Variants in ABTB1 observed in about 807,000 individuals in gnomAD.
The protein encoded by ABTB1 is ankyrin repeat and BTB domain containing 1.
Under a neutral mutation model 57.1 loss-of-function variants are expected in ABTB1, and 45 were observed. The ratio of observed to expected loss-of-function variants is 0.79; its 90% CI spans 0.62 to 1.01. The LOEUF (loss-of-function observed/expected upper bound fraction) is 1.01. Among genes scored for constraint, ABTB1 ranks in the 50% least tolerant of loss-of-function variants. The pLI is 0.00. For synonymous variants in ABTB1, 302 were observed against 275.4 expected (o/e 1.10, Z -0.95); for missense variants, 630 against 666.3 (o/e 0.95, Z 0.60).
chr3:127,676,144 T>C lies in ABTB1; in HGVS notation c.320+30T>C. On this transcript the variant is annotated intron_variant, in intron 4 of 11. Transcript: ENST00000232744. The surrounding 1 kb of genome is among the most constrained non-coding windows in gnomAD (Gnocchi z 5.4). ...GCCAGGGCACACGAGGGGTGCAGCA[T>C]GGGGTGCGGTGGCCCTGGTGGGTGT... The C allele has an allele frequency of 2.5e-6, 4 of 1,610,364 alleles. No homozygotes were observed. Among genetic ancestry groups the C allele is most frequent in the Middle Eastern group, 3.6e-4 (2 of 5,546 alleles).
chr3:127,679,870 A>T (rs2075084474), intron 10 of ABTB1, 115 bp from the exon 11 acceptor site: 2 of 914,742 alleles, frequency 2.2e-6, no homozygotes, highest in South Asian at 1.5e-5. Flanking sequence ...TCCTACTCCC[A>T]CTGGAAGCCT....
At position 127,680,656 on chromosome 3, in the gene ABTB1, G is replaced by T. The variant is rs772062098; in HGVS notation, c.*181G>T. ...GAGACCCCAGGGGAGGATCCATTTG[G>T]GATGAGCCCCCTCCCCCCAATGCAC... On this transcript the variant is annotated 3_prime_UTR_variant, in exon 12 of 12. Transcript: ENST00000232744. 1 of 818,132 alleles carries T rather than the reference G, an allele frequency of 1.2e-6. No homozygotes were observed. Among genetic ancestry groups the T allele is most frequent in the African/African-American group, 1.7e-5 (1 of 58,478 alleles). 50.7% of individuals were successfully genotyped at this position (818,132 alleles called of 1,614,324 possible).
Position 127,680,351 on chromosome 3 carries a change from C to T in ABTB1, c.1313C>T (p.Pro438Leu), listed in dbSNP as rs759546260. The change falls in exon 12 of 12, where the codon CCG (proline) becomes CTG (leucine). Residue 438 changes from proline to leucine, a missense_variant. Pro to Leu is a moderately conservative substitution (Grantham distance 98). Around this residue, in one of 3 missense-constraint regions of ABTB1, gnomAD observed 8 missense variants for 24.2 expected, o/e 0.33. Transcript: ENST00000232744. ...GCCCGGCAGGAGACGGACTCTATCC[C>T]GCTGGTGGACGACATCCGCTTCCAC... Reference protein sequence around the residue: ...VAARQETDSIPLVDDIRFHVA... With the variant: ...VAARQETDSILLVDDIRFHVA... 27 of 1,608,828 alleles carry T rather than the reference C, an allele frequency of 1.7e-5. No individual in the cohort carries two copies. The highest frequency in any genetic ancestry group is 2.7e-5 in the African/African-American group (2 of 74,888).
chr3:127,680,852 C>T lies in ABTB1; in HGVS notation c.*377C>T. On this transcript the variant is annotated 3_prime_UTR_variant, in exon 12 of 12. Coordinates refer to ENST00000232744, the MANE Select transcript of ABTB1 (RefSeq NM_172027.3). ...AATTGCTTCTCTAAGCTGGTGTTCC[C>T]ATGCACAGGGCCATTCAGGAAGGGC... 4 of 612,294 alleles carry T rather than the reference C, an allele frequency of 6.5e-6. No individual in the cohort carries two copies. The highest frequency in any genetic ancestry group is 1.2e-5 in the Non-Finnish European group (4 of 345,758). The allele number at this position is 612,294 out of a possible 1,614,324, so 37.9% of individuals were successfully genotyped here.
At chr3:127,673,247 C>T (rs2107550283) in intron 1 of ABTB1, 166 bp downstream of exon 1, 1 of 633,822 alleles carries the variant, frequency 1.6e-6, no homozygotes, top group East Asian at 4.0e-5. Context: ...CCGCCGCAGC[C>T]CCCCAGCGGA....
rs2107560316 is a variant in ABTB1 at position 127,679,397 on chromosome 3, C to G, written c.1030-588C>G. Reference sequence around the variant, plus strand: ...TCTGCAGCTTGCTCCCTGTGCCACCCAGGCTCTGGCCTGAATCTGAGGGCT... The same window carrying G: ...TCTGCAGCTTGCTCCCTGTGCCACCGAGGCTCTGGCCTGAATCTGAGGGCT... On this transcript the variant is annotated intron_variant, in intron 10 of 11. Coordinates refer to ENST00000232744, the MANE Select transcript of ABTB1 (RefSeq NM_172027.3). 1.3e-5 allele frequency: 5 copies of G among 380,880 alleles called. 1 individual carries two copies. The highest frequency in any genetic ancestry group is 7.3e-5 in the South Asian group (4 of 54,890). 23.6% of individuals were successfully genotyped at this position (380,880 alleles called of 1,614,324 possible).
chr3:127,677,300 T>C lies in ABTB1; in HGVS notation c.762+14T>C, dbSNP rs753746978. The C allele has an allele frequency of 1.9e-6, 3 of 1,586,280 alleles. No homozygotes were observed. In the East Asian group the frequency reaches 6.8e-5, roughly 36 times the overall value. On this transcript the variant is annotated intron_variant, in intron 8 of 11. Coordinates refer to ENST00000232744, the MANE Select transcript of ABTB1 (RefSeq NM_172027.3). The stretch of plus-strand genomic sequence containing the variant: ...CCCGAGCTCCGAGTAAGTGCGGGGC[T>C]GGTGGGCAGGAAGGGCGTTTTGGGA...
intron 1 of ABTB1, 195 bp from the exon 2 acceptor site, chr3:127,674,196 C>T (rs2074920967): frequency 3.1e-6 from 2 of 641,360 alleles, no homozygotes; most frequent in East Asian, 2.8e-5. Context: ...TCTGCCTGTT[C>T]GACCCCACCT....
chr3:127,679,748 T>C, intron 10 of ABTB1: 1 of 596,908 alleles, frequency 1.7e-6, no homozygotes, highest in Non-Finnish European at 3.1e-6. Flanking sequence ...CCTGCCAGCC[T>C]GCTCAGGGCA....
At chr3:127,674,695 A>C in intron 3 of ABTB1, 95 bp downstream of exon 3, 1 of 1,445,398 alleles carries the variant, frequency 6.9e-7, no homozygotes. Context: ...AGGCCTTGAT[A>C]CACATTTGCA....
In ABTB1 at chr3:127,676,366, T is replaced by C. The variant is rs1357484811; in HGVS notation, c.415T>C (p.Tyr139His). The change falls in exon 5 of 12, where the codon TAC (tyrosine) becomes CAC (histidine). Residue 139 changes from tyrosine (Y) to histidine (H), a missense_variant. Physicochemically the swap from Tyr to His is moderately conservative, Grantham distance 83 (BLOSUM62 2). This residue lies in a region of ABTB1 where 579 missense variants were observed against 585.9 expected (regional missense o/e 0.99). Coordinates refer to ENST00000232744, the MANE Select transcript of ABTB1 (RefSeq NM_172027.3). This position sits in a 1 kb window ranked among gnomAD's most constrained non-coding sequence, Gnocchi z 5.4. The stretch of plus-strand genomic sequence containing the variant: ...CTGCGTCCTGGGTGCACGTAGTGCC[T>C]ACTTTGCCAACATGCTGGACACCAA... Reference protein sequence around the residue: ...HRCVLGARSAYFANMLDTKWK... With the variant: ...HRCVLGARSAHFANMLDTKWK... 2 of 1,614,190 alleles carry C rather than the reference T, an allele frequency of 1.2e-6. No individual in the cohort carries two copies. The highest frequency in any genetic ancestry group is 1.6e-4 in the Middle Eastern group (1 of 6,062).
chr3:127,677,561 A>G lies in ABTB1; in HGVS notation c.859A>G (p.Lys287Glu), dbSNP rs1255478051. ...RVAGCSFLCH[K>E]AFFCGRSDYF... ...GGCTGGCTGCAGCTTCCTCTGCCAC[A>G]AGGTGCCTGTGCCCTCCTGTTGCCC... The change falls in exon 9 of 12, where the codon AAG becomes GAG. Residue 287 changes from lysine to glutamate, a missense_variant and splice_region_variant. Physicochemically the swap from Lys to Glu is moderately conservative, Grantham distance 56 (BLOSUM62 1). Around this residue, in one of 3 missense-constraint regions of ABTB1, gnomAD observed 579 missense variants for 585.9 expected, o/e 0.99. Transcript: ENST00000232744. The G allele has an allele frequency of 1.2e-6, 2 of 1,613,722 alleles. No individual in the cohort carries two copies. Among genetic ancestry groups the G allele is most frequent in the Non-Finnish European group, 1.7e-6 (2 of 1,180,010 alleles).
At position 127,680,829 on chromosome 3, in the gene ABTB1, T is replaced by C. The variant is rs1269309903; in HGVS notation, c.*354T>C. The C allele has an allele frequency of 3.1e-6, 2 of 636,386 alleles. No individual in the cohort carries two copies. Among genetic ancestry groups the C allele is most frequent in the African/African-American group, 3.6e-5 (2 of 54,948 alleles). 39.4% of individuals were successfully genotyped at this position (636,386 alleles called of 1,614,324 possible). A position where few individuals can be genotyped will look rare whatever the true frequency, so the allele number is the denominator to read the frequency against. On this transcript the variant is annotated 3_prime_UTR_variant, in exon 12 of 12. Coordinates refer to ENST00000232744, the MANE Select transcript of ABTB1 (RefSeq NM_172027.3). ...CCTCTGGCCCTTGCCTAGCCCTGAATTGCTTCTCTAAGCTGGTGTTCCCAT... is the reference window on the plus strand; with the variant it reads ...CCTCTGGCCCTTGCCTAGCCCTGAACTGCTTCTCTAAGCTGGTGTTCCCAT...
rs778220557 is a variant in ABTB1, at chr3:127,675,963, C to T, written c.176-7C>T. On this transcript the variant is annotated splice_region_variant and splice_polypyrimidine_tract_variant and intron_variant, in intron 3 of 11. Transcript: ENST00000232744. ...CCCTGCTAACTGGTGAGCCCTGCCTCCCCCAGGAGCCCGCTGCGAGGCCAA... is the reference window on the plus strand; with the variant it reads ...CCCTGCTAACTGGTGAGCCCTGCCTTCCCCAGGAGCCCGCTGCGAGGCCAA... 1.3e-5 allele frequency: 21 copies of T among 1,603,308 alleles called. No homozygotes were observed. Among genetic ancestry groups the T allele is most frequent in the Non-Finnish European group, 5.1e-6 (6 of 1,172,750 alleles).
chr3:127,676,626 C>T lies in ABTB1; in HGVS notation c.526+45C>T. The T allele has an allele frequency of 1.2e-6, 2 of 1,608,348 alleles. No individual in the cohort carries two copies. The highest frequency in any genetic ancestry group is 8.5e-7 in the Non-Finnish European group (1 of 1,176,330). ...GTAGGAGGAGAGGGAGTGGGCCGTC[C>T]TTCTGGACAGCAGTACACCTAGGTG... is the stretch of plus-strand genomic sequence containing the variant. On this transcript the variant is annotated intron_variant, in intron 6 of 11. Coordinates refer to ENST00000232744, the MANE Select transcript of ABTB1 (RefSeq NM_172027.3). The surrounding 1 kb of genome is among the most constrained non-coding windows in gnomAD (Gnocchi z 5.4).
At chr3:127,673,868 C>T (rs2074910772) in intron 1 of ABTB1, among the ~76,000 whole-genome samples, 1 of 152,232 alleles carries the variant, frequency 6.6e-6, no homozygotes, top group Admixed American at 6.5e-5. Flanking sequence ...CTTTGGGCTG[C>T]CCCCGCCTCA....
intron 8 of ABTB1, 85 bp from the exon 9 acceptor site, chr3:127,677,380 T>C: frequency 6.4e-7 from 1 of 1,570,632 alleles, no homozygotes; most frequent in South Asian, 1.1e-5. Flanking sequence ...TGTGTGGTCC[T>C]GGACCAGTTA....
chr3:127,675,498 C>G (rs1451280742), intron 3 of ABTB1: 1 of 168,740 alleles, frequency 5.9e-6, no homozygotes, highest in Non-Finnish European at 1.3e-5. Context: ...AGGTTGGTCT[C>G]AAACTCCTGA....
chr3:127,675,728 C>T (rs954495396), intron 3 of ABTB1: 46 of 569,238 alleles, frequency 8.1e-5, no homozygotes, highest in Middle Eastern at 4.7e-4. Flanking sequence ...GTCAGCTCTC[C>T]GTTCTGTGTT....
Sources: allele counts gnomAD v4.1 joint callset (sites outside exome capture counted in the v4.1 genomes callset), GRCh38; gene constraint gnomAD v4.1.1; regional missense constraint gnomAD v4.1.1; non-coding constraint Gnocchi (gnomAD v3.1); transcripts MANE v1.5; gene names NCBI Gene and HGNC (gene_info 2026-07-23, HGNC 2026-07-21).